Variants in LCT observed in about 807,000 individuals in gnomAD.
LCT encodes the protein lactase/phlorizin hydrolase.
Under a neutral mutation model 173.0 loss-of-function variants are expected in LCT, and 90 were observed. The ratio of observed to expected loss-of-function variants is 0.52; its 90% CI spans 0.44 to 0.62. The LOEUF (loss-of-function observed/expected upper bound fraction) is 0.62, where lower values mean the gene tolerates loss of function less well. Ranked by LOEUF, LCT falls within the 20% of genes least tolerant of loss-of-function variation. The pLI, the probability that LCT is intolerant of heterozygous loss-of-function variation, is 0.00. For missense variants in LCT, 1,864 were observed against 2,431.4 expected (o/e 0.77, Z 4.91); for synonymous variants, 853 against 957.6 (o/e 0.89, Z 2.02).
At chr2:135,833,241 T>G in intron 1 of LCT, 51 bp from the exon 2 acceptor site, 2 of 1,333,900 alleles carry the variant, frequency 1.5e-6, no homozygotes, top group Non-Finnish European at 2.2e-6. Flanking sequence ...CAGGAGGCTC[T>G]GACTGTGGAA....
intron 4 of LCT, 86 bp from the exon 5 acceptor site, chr2:135,822,184 C>G: frequency 2.4e-6 from 2 of 837,986 alleles, no homozygotes. Context: ...CTCGCTCATA[C>G]GACACACCCA....
intron 1 of LCT, among the ~76,000 whole-genome samples, chr2:135,835,483 TATATA>T (rs2105560665): frequency 5.1e-4 from 1 of 1,966 alleles, no homozygotes; most frequent in South Asian, 0.013. Flanking sequence ...AACATAGAAG[TATATA>T]TATATATATA....
chr2:135,795,015 C>CCACA (rs530102634), intron 13 of LCT, among the ~76,000 whole-genome samples: 4 of 136,738 alleles, frequency 2.9e-5, no homozygotes, highest in African/African-American at 1.1e-4. Flanking sequence ...ACCTGAAGGA[C>CCACA]CACACACACA....
chr2:135,811,853 GAGA>G (rs1455705625), intron 7 of LCT, among the ~76,000 whole-genome samples: 1 of 151,868 alleles, frequency 6.6e-6, no homozygotes, highest in Non-Finnish European at 1.5e-5. Flanking sequence ...GGATTGAAGT[GAGA>G]AGACTGTTTG....
intron 11 of LCT, among the ~76,000 whole-genome samples, chr2:135,803,488 C>T (rs1575335680): frequency 6.6e-6 from 1 of 152,242 alleles, no homozygotes; most frequent in Non-Finnish European, 1.5e-5. Context: ...GGAATGTTTG[C>T]TCAGTGCGAT....
chr2:135,809,212 G>A lies in LCT; in HGVS notation c.3135C>T (p.Tyr1045=), dbSNP rs754582267. 4.5e-5 allele frequency: 72 copies of A among 1,614,172 alleles called. No homozygotes were observed. The East Asian group carries it at 8.5e-4, about 19-fold the overall frequency. ...CAAAGGTCTGGAAACAAAAGTCTGC[G>A]TAGCTGTCAAACAAGTCAATCAAGG... ...NPALIDLFDS[Y]ADFCFQTFGD... is the part of the protein sequence containing the mutation. Residue 1045 remains tyrosine, a synonymous_variant, in exon 8 of 17, where the codon TAC becomes TAT. Transcript: ENST00000264162. This position sits in a 1 kb window ranked among gnomAD's most constrained non-coding sequence, Gnocchi z 5.5.
intron 11 of LCT, among the ~76,000 whole-genome samples, chr2:135,802,557 G>A (rs1447367579): frequency 2.0e-5 from 3 of 152,168 alleles, no homozygotes; most frequent in East Asian, 3.8e-4. Flanking sequence ...CTTGTCATTC[G>A]TGACAACATC....
chr2:135,793,120 A>C (rs1233432975), intron 14 of LCT, among the ~76,000 whole-genome samples: 1 of 152,246 alleles, frequency 6.6e-6, no homozygotes. Flanking sequence ...AGAGGTCCTG[A>C]GTCTGTCCAC....
intron 6 of LCT, among the ~76,000 whole-genome samples, chr2:135,816,837 A>G (rs1400021744): frequency 6.6e-6 from 1 of 151,970 alleles, no homozygotes; most frequent in Non-Finnish European, 1.5e-5. Flanking sequence ...TAAAAGTACC[A>G]GTAGAGGGTC....
At chr2:135,822,287 A>G in intron 4 of LCT, 189 bp from the exon 5 acceptor site, 2 of 584,228 alleles carry the variant, frequency 3.4e-6, no homozygotes, top group South Asian at 2.0e-5. Context: ...TTATTACTTA[A>G]AAGTGGTTCT....
At chr2:135,794,068 G>A (rs899521092) in intron 14 of LCT, among the ~76,000 whole-genome samples, 1 of 151,996 alleles carries the variant, frequency 6.6e-6, no homozygotes, top group Non-Finnish European at 1.5e-5. Flanking sequence ...GAACCCGGGT[G>A]GTGGAGGTTG....
intron 9 of LCT, among the ~76,000 whole-genome samples, chr2:135,806,690 G>T (rs935837485): frequency 6.6e-6 from 1 of 152,206 alleles, no homozygotes; most frequent in African/African-American, 2.4e-5. Context: ...TGTAGCCTAG[G>T]AGCACTAGGC....
At chr2:135,822,149 T>A (rs753049263) in intron 4 of LCT, 51 bp from the exon 5 acceptor site, 1 of 1,074,970 alleles carries the variant, frequency 9.3e-7, no homozygotes, top group South Asian at 1.2e-5. Context: ...ACTAAGAACA[T>A]GCAAGTCTGA....
intron 6 of LCT, among the ~76,000 whole-genome samples, chr2:135,813,610 G>T (rs1448107624): frequency 7.9e-5 from 12 of 152,226 alleles, no homozygotes; most frequent in Middle Eastern, 3.2e-3. Context: ...ATCCAGAGCT[G>T]TGTAGTAACT....
chr2:135,804,950 G>A lies in LCT; in HGVS notation c.4281C>T (p.Asp1427=). The change falls in exon 10 of 17, where the codon GAC becomes GAT. Residue 1427 remains aspartate, a synonymous_variant. Coordinates refer to ENST00000264162, the MANE Select transcript of LCT (RefSeq NM_002299.4). ...ENDAIGDVAC[D]SYHKIAEDLV... is the part of the protein sequence containing the mutation. ...GATCCTCAGCAATCTTGTGATAACTGTCACAGGCCACGTCTCCAATGGCAT... is the reference window on the plus strand; with the variant it reads ...GATCCTCAGCAATCTTGTGATAACTATCACAGGCCACGTCTCCAATGGCAT... 1 of 1,614,212 alleles carries A rather than the reference G, an allele frequency of 6.2e-7. No individual in the cohort carries two copies. The highest frequency in any genetic ancestry group is 1.1e-5 in the South Asian group (1 of 91,088).
Position 135,812,799 on chromosome 2 carries a change from C to A in LCT, c.1865G>T (p.Arg622Leu), listed in dbSNP as rs758609978. 1 of 1,614,136 alleles carries A rather than the reference C, an allele frequency of 6.2e-7. No individual in the cohort carries two copies. The highest frequency in any genetic ancestry group is 1.7e-5 in the Admixed American group (1 of 60,010). ...ERPEDLRASE[R>L]FLHFMLGWFA... is the part of the protein sequence containing the mutation. ...CCAGCCCAGCATGAAGTGCAAGAAG[C>A]GCTCAGAGGCTCTCAGGTCCTCAGG... Residue 622 changes from arginine to leucine, a missense_variant, in exon 7 of 17, where the codon CGC (arginine) becomes CTC (leucine). Arg to Leu is a moderately radical substitution (Grantham distance 102). Around this residue, in one of 4 missense-constraint regions of LCT, gnomAD observed 755 missense variants for 926.3 expected, o/e 0.82. Transcript: ENST00000264162.
intron 14 of LCT, among the ~76,000 whole-genome samples, chr2:135,792,767 A>G (rs112338201): frequency 4.6e-5 from 7 of 152,282 alleles, no homozygotes; most frequent in African/African-American, 1.4e-4. Flanking sequence ...GAGCTCAGAT[A>G]TGCCTAATGC....
At chr2:135,823,770 G>C in intron 4 of LCT, 131 bp downstream of exon 4, 1 of 720,730 alleles carries the variant, frequency 1.4e-6, no homozygotes, top group South Asian at 1.5e-5. Context: ...AACCCAGTCT[G>C]GGGTGGGCTT....
intron 6 of LCT, among the ~76,000 whole-genome samples, chr2:135,815,164 T>C (rs1164409629): frequency 6.6e-6 from 1 of 152,160 alleles, no homozygotes; most frequent in Non-Finnish European, 1.5e-5. Context: ...GAAATAAATA[T>C]CTGTTGTTTA....
Sources: gnomAD v4.1 joint callset for allele counts (sites outside exome capture counted in the v4.1 genomes callset) on GRCh38, gnomAD v4.1.1 for gene constraint, gnomAD v4.1.1 regional missense constraint, Gnocchi (gnomAD v3.1) non-coding constraint, MANE v1.5 for transcripts, NCBI Gene and HGNC (gene_info 2026-07-23, HGNC 2026-07-21) for gene names.